NCKAP5: variants seen among roughly 807,000 people sequenced by gnomAD.
The protein encoded by NCKAP5 is NCK associated protein 5.
In NCKAP5, 92 loss-of-function variants were observed where a neutral mutation model predicts 167.0. The ratio of observed to expected loss-of-function variants is 0.55; its 90% CI spans 0.47 to 0.66. The LOEUF (loss-of-function observed/expected upper bound fraction) is 0.66. NCKAP5 is among the 30% of genes least tolerant of loss of function. The pLI is 0.00. For synonymous variants in NCKAP5, 891 were observed against 877.4 expected (o/e 1.02, Z -0.27); for missense variants, 2,378 against 2,315.0 (o/e 1.03, Z -0.56).
rs113937986 is a variant in NCKAP5, at chr2:133,334,086, A to G, written c.70-30976T>C. ...AAGGCCGTTAGTGATCCGTTGAGAG[A>G]TGGTTTATTTCAATGGTTATGTGTG... On this transcript the variant is annotated intron_variant, in intron 3 of 19. Transcript: ENST00000409261. 5.8e-3 allele frequency among the ~76,000 whole-genome samples: 881 copies of G among 152,278 alleles called. 13 individuals carry two copies. Among genetic ancestry groups the G allele is most frequent in the African/African-American group, 0.02 (833 of 41,566 alleles).
chr2:132,821,732 G>C (rs1294452713), intron 11 of NCKAP5, among the ~76,000 whole-genome samples: 1 of 152,122 alleles, frequency 6.6e-6, no homozygotes, highest in Non-Finnish European at 1.5e-5. Context: ...CAACTGCCTG[G>C]GAGCTGGGTG....
intron 3 of NCKAP5, among the ~76,000 whole-genome samples, chr2:133,489,606 C>T (rs371996058): frequency 2.0e-5 from 3 of 152,128 alleles, no homozygotes; most frequent in East Asian, 3.9e-4. Flanking sequence ...CCATTGAACC[C>T]CTTCATTTTA....
At chr2:133,302,727 C>G (rs1206930269) in intron 4 of NCKAP5, among the ~76,000 whole-genome samples, 1 of 146,554 alleles carries the variant, frequency 6.8e-6, no homozygotes, top group Non-Finnish European at 1.5e-5. Context: ...CACATGTATA[C>G]ATATGTAACT....
intron 5 of NCKAP5, among the ~76,000 whole-genome samples, chr2:133,182,970 AC>A (rs773113821): frequency 1.5e-4 from 23 of 152,170 alleles, no homozygotes; most frequent in Non-Finnish European, 3.2e-4. Context: ...GTAAGAAAAT[AC>A]TATGAACAAC....
chr2:132,915,920 A>AAAAT (rs1366362916), intron 8 of NCKAP5, among the ~76,000 whole-genome samples: 1 of 152,030 alleles, frequency 6.6e-6, no homozygotes, highest in Non-Finnish European at 1.5e-5. Context: ...GGAAACAGAT[A>AAAAT]AAATACCCAA....
At chr2:132,797,000 T>TA (rs1025222230) in intron 11 of NCKAP5, among the ~76,000 whole-genome samples, 1 of 152,148 alleles carries the variant, frequency 6.6e-6, no homozygotes, top group Non-Finnish European at 1.5e-5. Context: ...AAGTAGTAGT[T>TA]AAAAAAATAA....
At chr2:133,446,595 C>T (rs1450146089) in intron 3 of NCKAP5, among the ~76,000 whole-genome samples, 1 of 152,134 alleles carries the variant, frequency 6.6e-6, no homozygotes, top group Non-Finnish European at 1.5e-5. Flanking sequence ...TCCCAGAAGT[C>T]GTGTGTATGA....
At chr2:133,272,779 G>A (rs567039321) in intron 4 of NCKAP5, among the ~76,000 whole-genome samples, 1 of 152,134 alleles carries the variant, frequency 6.6e-6, no homozygotes, top group Admixed American at 6.5e-5. Context: ...GCCTCTTCTA[G>A]ACACTTAGTA....
chr2:133,658,544 T>G, the NCKAP5 span, among the ~76,000 whole-genome samples: 2 of 152,086 alleles, frequency 1.3e-5, no homozygotes, highest in Non-Finnish European at 2.9e-5. Context: ...CTACCACCCC[T>G]GGTATTTGTG....
chr2:133,526,538 G>C (rs531222822), intron 2 of NCKAP5, among the ~76,000 whole-genome samples: 16 of 152,262 alleles, frequency 1.1e-4, no homozygotes, highest in Admixed American at 2.6e-4. Context: ...GTTGCCAGCT[G>C]ATTTCCAGAC....
chr2:133,499,025 T>C (rs1682238765), intron 3 of NCKAP5, among the ~76,000 whole-genome samples: 1 of 152,230 alleles, frequency 6.6e-6, no homozygotes, highest in African/African-American at 2.4e-5. Context: ...CTAATACAGG[T>C]GGCCAACCCA....
chr2:132,753,839 G>A (rs959128732), intron 16 of NCKAP5, among the ~76,000 whole-genome samples: 3 of 152,252 alleles, frequency 2.0e-5, no homozygotes, highest in African/African-American at 4.8e-5. Flanking sequence ...CCCCTTCCAC[G>A]GGGCTTTACT....
intron 5 of NCKAP5, among the ~76,000 whole-genome samples, chr2:133,143,805 C>T (rs867043501): frequency 4.1e-5 from 6 of 147,350 alleles, no homozygotes; most frequent in African/African-American, 1.3e-4. Context: ...GGCACTATTC[C>T]CAACCAGATT....
chr2:133,663,261 A>G, the NCKAP5 span, among the ~76,000 whole-genome samples: 1 of 137,960 alleles, frequency 7.2e-6, no homozygotes, highest in Non-Finnish European at 1.5e-5. Flanking sequence ...CGGCAGAGCG[A>G]GACTCCGTCT....
At chr2:132,832,447 T>C (rs180722986) in intron 11 of NCKAP5, among the ~76,000 whole-genome samples, 1 of 152,242 alleles carries the variant, frequency 6.6e-6, no homozygotes, top group African/African-American at 2.4e-5. Flanking sequence ...AATGGTCCCA[T>C]TAGAGCTTTT....
chr2:133,289,951 C>A (rs1376427945), intron 4 of NCKAP5, among the ~76,000 whole-genome samples: 1 of 152,126 alleles, frequency 6.6e-6, no homozygotes, highest in Non-Finnish European at 1.5e-5. Flanking sequence ...CATGAGAACT[C>A]ACGCACTATC....
At chr2:132,990,723 A>C (rs2077425535) in intron 7 of NCKAP5, among the ~76,000 whole-genome samples, 1 of 152,180 alleles carries the variant, frequency 6.6e-6, no homozygotes, top group Non-Finnish European at 1.5e-5. Flanking sequence ...CAAGCTAAGG[A>C]ATGCTAGATT....
intron 19 of NCKAP5, among the ~76,000 whole-genome samples, chr2:132,705,038 A>G (rs1054292769): frequency 1.3e-5 from 2 of 152,248 alleles, no homozygotes; most frequent in Admixed American, 6.5e-5. Flanking sequence ...TGCTTTCTGT[A>G]TCTCTCAGGA....
At chr2:133,335,298 C>G (rs931816905) in intron 3 of NCKAP5, among the ~76,000 whole-genome samples, 3 of 152,178 alleles carry the variant, frequency 2.0e-5, no homozygotes, top group Non-Finnish European at 4.4e-5. Context: ...TTCAAACAAG[C>G]AAATTGCTAC....
Sources: gnomAD v4.1 joint callset for allele counts (sites outside exome capture counted in the v4.1 genomes callset) on GRCh38, gnomAD v4.1.1 for gene constraint, MANE v1.5 for transcripts, NCBI Gene and HGNC (gene_info 2026-07-23, HGNC 2026-07-21) for gene names.